The following RUNX2 variants were observed in gnomAD, a reference collection of about 807,000 sequenced individuals.
RUNX2 encodes the protein runt-related transcription factor 2.
Under a neutral mutation model 51.7 loss-of-function variants are expected in RUNX2, and 10 were observed. The observed-to-expected ratio is 0.19, with a 90% confidence interval of 0.12 to 0.33. The LOEUF (loss-of-function observed/expected upper bound fraction) is 0.33, where lower values mean the gene tolerates loss of function less well. Among genes scored for constraint, RUNX2 ranks in the 10% least tolerant of loss-of-function variants. The pLI is 1.00. For missense variants in RUNX2, 562 were observed against 691.3 expected (o/e 0.81, Z 2.10); for synonymous variants, 276 against 273.6 (o/e 1.01, Z -0.09).
At chr6:45,336,368 A>C (rs1271839088) in intron 2 of RUNX2, among the ~76,000 whole-genome samples, 2 of 151,424 alleles carry the variant, frequency 1.3e-5, no homozygotes, top group African/African-American at 2.4e-5. Flanking sequence ...ATAGGACTAG[A>C]GAAAACACAT....
intron 6 of RUNX2, among the ~76,000 whole-genome samples, chr6:45,510,279 T>C (rs1328881119): frequency 1.3e-5 from 2 of 152,230 alleles, no homozygotes; most frequent in African/African-American, 4.8e-5. Context: ...GTTAACCACT[T>C]ATAGTACTGC....
In RUNX2 at chr6:45,397,795, T is replaced by C. The variant is rs552726599; in HGVS notation, c.59-24798T>C. On this transcript the variant is annotated intron_variant, in intron 2 of 8. Transcript: ENST00000647337. ...TTGAATTTGATATTTTATGCAAGAA[T>C]CATGCATATATACTTAATATAGTTG... Among the ~76,000 whole-genome samples the C allele has an allele frequency of 4.5e-4, 69 of 152,340 alleles. 1 individual carries two copies. Among genetic ancestry groups the C allele is most frequent in the Non-Finnish European group, 9.8e-4 (67 of 68,038 alleles).
At chr6:45,532,162 ATTTTTTTTTT>A (rs3055521) in intron 7 of RUNX2, among the ~76,000 whole-genome samples, 33 of 85,130 alleles carry the variant, frequency 3.9e-4, no homozygotes, top group African/African-American at 1.0e-3. Context: ...GAAAACCTAG[ATTTTTTTTTT>A]TTTTTTTTTT....
intron 2 of RUNX2, among the ~76,000 whole-genome samples, chr6:45,373,802 C>G (rs1020847187): frequency 6.6e-6 from 1 of 152,156 alleles, no homozygotes; most frequent in Non-Finnish European, 1.5e-5. Flanking sequence ...ATCCACCCAT[C>G]TCAGCCTCCC....
chr6:45,486,873 C>T (rs1800299329), intron 5 of RUNX2, among the ~76,000 whole-genome samples: 1 of 152,126 alleles, frequency 6.6e-6, no homozygotes, highest in Admixed American at 6.6e-5. Flanking sequence ...GTTCACAGAC[C>T]ACATTTTCAG....
intron 5 of RUNX2, among the ~76,000 whole-genome samples, chr6:45,458,685 C>T (rs902881573): frequency 6.6e-5 from 10 of 152,160 alleles, no homozygotes; most frequent in Admixed American, 2.0e-4. Flanking sequence ...ATGGAATCTT[C>T]CAGTTAGCTG....
intron 5 of RUNX2, among the ~76,000 whole-genome samples, chr6:45,461,598 C>T (rs187401628): frequency 6.6e-6 from 1 of 152,082 alleles, no homozygotes; most frequent in Non-Finnish European, 1.5e-5. Context: ...TGAAGTCAAT[C>T]GACAAGAATA....
intron 2 of RUNX2, among the ~76,000 whole-genome samples, chr6:45,385,143 A>G (rs1033460063): frequency 7.9e-5 from 12 of 152,214 alleles, no homozygotes; most frequent in Admixed American, 3.3e-4. Flanking sequence ...TCTGCTCTCA[A>G]AAAGACTTCT....
At chr6:45,400,213 A>G (rs1797683007) in intron 2 of RUNX2, among the ~76,000 whole-genome samples, 1 of 138,654 alleles carries the variant, frequency 7.2e-6, no homozygotes, top group African/African-American at 2.6e-5. Flanking sequence ...GAAGGAGGGA[A>G]TGAGGGAAGG....
intron 6 of RUNX2, among the ~76,000 whole-genome samples, chr6:45,493,414 A>G (rs530556080): frequency 1.8e-4 from 27 of 152,310 alleles, no homozygotes; most frequent in Middle Eastern, 6.8e-3. Flanking sequence ...ATACAAGAGT[A>G]AAATTCACAC....
chr6:45,386,946 G>A (rs769400102), intron 2 of RUNX2, among the ~76,000 whole-genome samples: 30 of 152,174 alleles, frequency 2.0e-4, no homozygotes, highest in Non-Finnish European at 4.0e-4. Context: ...TTGCTTTTTA[G>A]TTGACAGTAA....
At chr6:45,354,964 G>GGA (rs566906691) in intron 2 of RUNX2, among the ~76,000 whole-genome samples, 16 of 152,004 alleles carry the variant, frequency 1.1e-4, no homozygotes, top group Non-Finnish European at 5.9e-5. Context: ...AAATACCAAA[G>GGA]CCTTAATAGC....
intron 2 of RUNX2, among the ~76,000 whole-genome samples, chr6:45,384,706 CTTTTTTTTTTTTTTTTTT>C (rs56307239): frequency 1.6e-5 from 1 of 61,210 alleles, no homozygotes; most frequent in Non-Finnish European, 2.9e-5. Context: ...ATTAGGGTGT[CTTTTTTTTTTTTTTTTTT>C]TTTTTTTTTT....
intron 2 of RUNX2, among the ~76,000 whole-genome samples, chr6:45,396,432 G>C (rs1463888573): frequency 6.6e-6 from 1 of 152,118 alleles, no homozygotes; most frequent in African/African-American, 2.4e-5. Context: ...GCCAGCCCTA[G>C]ACAACCACTA....
intron 2 of RUNX2, among the ~76,000 whole-genome samples, chr6:45,400,057 G>C (rs150850439): frequency 0.023 from 2,513 of 110,200 alleles, 74 homozygotes; most frequent in African/African-American, 0.073. Context: ...AAAGGAGGGA[G>C]GGAAGGAAGG....
intron 5 of RUNX2, among the ~76,000 whole-genome samples, chr6:45,484,842 A>T (rs1349049155): frequency 1.3e-5 from 2 of 152,226 alleles, no homozygotes; most frequent in Non-Finnish European, 2.9e-5. Flanking sequence ...GAAGTGAAGG[A>T]TCTCATTATT....
chr6:45,549,600 A>G lies in RUNX2; in HGVS notation c.*2295A>G. The G allele has an allele frequency of 2.6e-6, 1 of 384,314 alleles. No individual in the cohort carries two copies. The highest frequency in any genetic ancestry group is 3.7e-5 in the East Asian group (1 of 26,810). The allele number at this position is 384,314 out of a possible 1,614,324, so 23.8% of individuals were successfully genotyped here. ...CTGTCCATTTATTTGTAAGTGTAAAATATGTGTGTTTGTTTCAGCAGCACT... is the reference window on the plus strand; with the variant it reads ...CTGTCCATTTATTTGTAAGTGTAAAGTATGTGTGTTTGTTTCAGCAGCACT... On this transcript the variant is annotated 3_prime_UTR_variant, in exon 9 of 9. Transcript: ENST00000647337.
rs572116151 is a variant in RUNX2, at chr6:45,367,496, A to G, written c.58+38712A>G. ...CACAAGTCCAAGACTGGGGGAAAAC[A>G]GGAAACAAAGGACTTCCCTAAATAG... On this transcript the variant is annotated intron_variant, in intron 2 of 8. Transcript: ENST00000647337. Among the ~76,000 whole-genome samples the G allele has an allele frequency of 4.1e-4, 63 of 152,294 alleles. No homozygotes were observed. In the Middle Eastern group the frequency reaches 0.01, roughly 25 times the overall value.
intron 2 of RUNX2, among the ~76,000 whole-genome samples, chr6:45,376,168 G>A (rs965796705): frequency 8.5e-5 from 13 of 152,114 alleles, no homozygotes; most frequent in Non-Finnish European, 1.5e-4. Flanking sequence ...CAACCTAGGA[G>A]ACAACGTTTT....
Sources: allele counts gnomAD v4.1 joint callset (sites outside exome capture counted in the v4.1 genomes callset), GRCh38; gene constraint gnomAD v4.1.1; transcripts MANE v1.5; gene names NCBI Gene and HGNC (gene_info 2026-07-23, HGNC 2026-07-21).